The following CD2 variants were observed in gnomAD, a reference collection of about 807,000 sequenced individuals.
The protein encoded by CD2 is T-cell surface antigen CD2.
In CD2, 18 loss-of-function variants were observed where a neutral mutation model predicts 23.2. That is an observed-to-expected ratio of 0.77 (90% CI 0.54 to 1.15). CD2 has a LOEUF of 1.15. CD2 is among the 50% of genes most tolerant of loss of function. The probability of loss-of-function intolerance (pLI) is 0.00; values close to 1 mark genes in which losing one functional copy is unlikely to be tolerated. For synonymous variants in CD2, 162 were observed against 151.9 expected, an observed-to-expected ratio of 1.07 and a Z score of -0.49; for missense variants, 424 against 423.1, an observed-to-expected ratio of 1.00 and a Z score of -0.02.
At chr1:116,755,059 G>T (rs1387738027) in intron 2 of CD2, 108 bp downstream of exon 2, 3 of 745,274 alleles carry the variant, frequency 4.0e-6, no homozygotes, top group South Asian at 1.9e-5. Context: ...CTCCAGGGGG[G>T]CTATACAGGA....
chr1:116,768,423 A>G, intron 4 of CD2, 41 bp from the exon 5 acceptor site: 3 of 1,578,700 alleles, frequency 1.9e-6, no homozygotes, highest in Middle Eastern at 1.7e-4. Flanking sequence ...CATTGATTTC[A>G]CCTGGCCAAG....
chr1:116,767,225 C>T (rs1652242240), intron 4 of CD2, among the ~76,000 whole-genome samples: 1 of 152,184 alleles, frequency 6.6e-6, no homozygotes, highest in Non-Finnish European at 1.5e-5. Context: ...TTTGAATCAA[C>T]ATCCGGAAGT....
At chr1:116,757,821 G>A (rs1055914215) in intron 2 of CD2, among the ~76,000 whole-genome samples, 1 of 151,932 alleles carries the variant, frequency 6.6e-6, no homozygotes, top group African/African-American at 2.4e-5. Flanking sequence ...CCAGCCTGGA[G>A]TGCAGTGGTG....
In CD2 at chr1:116,754,922, T is replaced by C. The variant is rs756500827; in HGVS notation, c.353T>C (p.Leu118Ser). Residue 118 changes from leucine (L) to serine (S), a missense_variant, in exon 2 of 5, where the codon TTG becomes TCG. Transcript: ENST00000369478. ...SIYDTKGKNV[L>S]EKIFDLKIQE... ...TATGATACAAAAGGAAAAAATGTGT[T>C]GGAAAAAATATTTGATTTGAAGATT... The C allele has an allele frequency of 3.1e-6, 5 of 1,596,554 alleles. No individual in the cohort carries two copies. The highest frequency in any genetic ancestry group is 3.4e-6 in the Non-Finnish European group (4 of 1,172,894).
intron 3 of CD2, among the ~76,000 whole-genome samples, chr1:116,763,299 A>AC (rs1398566906): frequency 6.6e-6 from 1 of 152,086 alleles, no homozygotes; most frequent in African/African-American, 2.4e-5. Flanking sequence ...TGAGCCTCTG[A>AC]CCCTCTCCTT....
At chr1:116,766,735 T>C (rs1186785643) in intron 4 of CD2, among the ~76,000 whole-genome samples, 4 of 151,970 alleles carry the variant, frequency 2.6e-5, no homozygotes, top group South Asian at 2.1e-4. Flanking sequence ...CATTGGTGTA[T>C]GCCTGTAGTC....
rs184224807 is a variant in CD2, at chr1:116,767,018, T to C, written c.737-1446T>C. Among the ~76,000 whole-genome samples the C allele has an allele frequency of 3.4e-3, 520 of 152,356 alleles. 2 individuals are homozygous for C. The highest frequency in any genetic ancestry group is 0.012 in the African/African-American group (496 of 41,574). Reference sequence around the variant, plus strand: ...GGTTAGAGCCCTCTCCACAGTCTACTGGACATAACCTAAGCAATGACTGCA... The same window carrying C: ...GGTTAGAGCCCTCTCCACAGTCTACCGGACATAACCTAAGCAATGACTGCA... On this transcript the variant is annotated intron_variant, in intron 4 of 4. Transcript: ENST00000369478.
intron 2 of CD2, among the ~76,000 whole-genome samples, chr1:116,756,290 T>G (rs1651846777): frequency 6.6e-6 from 1 of 152,210 alleles, no homozygotes; most frequent in Non-Finnish European, 1.5e-5. Context: ...TGTCCTGTTT[T>G]GAGTGTGAGC....
intron 4 of CD2, among the ~76,000 whole-genome samples, chr1:116,765,098 C>T (rs560541453): frequency 1.3e-5 from 2 of 152,340 alleles, no homozygotes; most frequent in Middle Eastern, 6.8e-3. Context: ...TGCTAATTCT[C>T]TGTTCGAGGG....
At position 116,768,917 on chromosome 1, in the gene CD2, C is replaced by T; in HGVS notation, c.*134C>T. 1 of 869,156 alleles carries T rather than the reference C, an allele frequency of 1.2e-6. No homozygotes were observed. The highest frequency in any genetic ancestry group is 1.8e-5 in the South Asian group (1 of 56,408). The allele number at this position is 869,156 out of a possible 1,614,324, so 53.8% of individuals were successfully genotyped here. On this transcript the variant is annotated 3_prime_UTR_variant, in exon 5 of 5. Transcript: ENST00000369478. ...CTCCTGAGGCTGTGGGCCACAGCCA[C>T]CTCTGCATCTTCGAACTCAGCCATG...
rs1178186242 is a variant in CD2 at position 116,768,475 on chromosome 1, G to A, written c.748G>A (p.Glu250Lys). 6.2e-7 allele frequency: 1 copy of A among 1,613,542 alleles called. No homozygotes were observed. The stretch of plus-strand genomic sequence containing the variant: ...TTTTGTTGTTGCAGATGAGGAGCTG[G>A]AGACAAGAGCCCACAGAGTAGCTAC... ...QRSRRNDEEL[E>K]TRAHRVATEE... Residue 250 changes from glutamate (E) to lysine (K), a missense_variant, in exon 5 of 5, where the codon GAG (glutamate) becomes AAG (lysine). Coordinates refer to ENST00000369478, the MANE Select transcript of CD2 (RefSeq NM_001767.5).
chr1:116,758,228 G>A (rs569073695), intron 2 of CD2, among the ~76,000 whole-genome samples: 8 of 152,132 alleles, frequency 5.3e-5, no homozygotes, highest in Admixed American at 2.6e-4. Context: ...TACAATGATT[G>A]GAGTTGAAAG....
At chr1:116,766,579 A>C (rs923511332) in intron 4 of CD2, among the ~76,000 whole-genome samples, 3 of 152,088 alleles carry the variant, frequency 2.0e-5, no homozygotes, top group African/African-American at 7.2e-5. Context: ...GTATGGGCCA[A>C]GTGTGGTGGC....
intron 2 of CD2, among the ~76,000 whole-genome samples, chr1:116,755,338 C>T (rs766009565): frequency 3.3e-5 from 5 of 152,168 alleles, no homozygotes; most frequent in Non-Finnish European, 5.9e-5. Flanking sequence ...TGGAGAGCAG[C>T]GGGCCTTTCA....
intron 4 of CD2, among the ~76,000 whole-genome samples, chr1:116,767,607 A>C (rs868555152): frequency 6.6e-6 from 1 of 151,652 alleles, no homozygotes; most frequent in African/African-American, 2.4e-5. Context: ...AAAAAAAAAA[A>C]AGAGGTAATT....
intron 4 of CD2, among the ~76,000 whole-genome samples, chr1:116,765,032 T>G (rs1239657823): frequency 6.6e-6 from 1 of 152,182 alleles, no homozygotes; most frequent in East Asian, 1.9e-4. Context: ...ATCATTCAGG[T>G]CATCAGGTAG....
At chr1:116,763,445 G>A (rs1481004791) in intron 3 of CD2, among the ~76,000 whole-genome samples, 1 of 152,124 alleles carries the variant, frequency 6.6e-6, no homozygotes, top group East Asian at 1.9e-4. Flanking sequence ...GAGCCCCACT[G>A]CTGCTTTTCT....
intron 3 of CD2, among the ~76,000 whole-genome samples, chr1:116,761,679 G>A (rs1652057881): frequency 6.6e-6 from 1 of 152,188 alleles, no homozygotes; most frequent in African/African-American, 2.4e-5. Flanking sequence ...TTGCACATAG[G>A]TGAGAATACC....
At chr1:116,764,345 T>C (rs1418095707) in intron 3 of CD2, 139 bp from the exon 4 acceptor site, 2 of 1,351,336 alleles carry the variant, frequency 1.5e-6, no homozygotes, top group Non-Finnish European at 2.0e-6. Flanking sequence ...CACCACCCTC[T>C]GTGAGCCTGG....
Sources: gnomAD v4.1 joint callset for allele counts (sites outside exome capture counted in the v4.1 genomes callset) on GRCh38, gnomAD v4.1.1 for gene constraint, MANE v1.5 for transcripts, NCBI Gene and HGNC (gene_info 2026-07-23, HGNC 2026-07-21) for gene names.